Variants in TMEM132D observed in about 807,000 individuals in gnomAD.
The protein encoded by TMEM132D is transmembrane protein 132D, also known as mature OL transmembrane protein.
Under a neutral mutation model 62.3 loss-of-function variants are expected in TMEM132D, and 21 were observed. The ratio of observed to expected loss-of-function variants is 0.34; its 90% CI spans 0.24 to 0.49. The LOEUF is 0.49. Among genes scored for constraint, TMEM132D ranks in the 20% least tolerant of loss-of-function variants. The pLI is 0.99. For missense variants in TMEM132D, 1,346 were observed against 1,402.8 expected, an observed-to-expected ratio of 0.96 and a Z score of 0.65; for synonymous variants, 621 against 575.6, an observed-to-expected ratio of 1.08 and a Z score of -1.13.
intron 5 of TMEM132D, among the ~76,000 whole-genome samples, chr12:129,132,739 C>T (rs150141574): frequency 9.4e-4 from 143 of 152,280 alleles, no homozygotes; most frequent in African/African-American, 3.2e-3. Context: ...CAGCACACCA[C>T]GTTGTACACC....
At chr12:129,608,062 CAAG>C (rs1283683758) in intron 2 of TMEM132D, among the ~76,000 whole-genome samples, 1 of 152,110 alleles carries the variant, frequency 6.6e-6, no homozygotes, top group African/African-American at 2.4e-5. Context: ...TAACACATTG[CAAG>C]AAGAATAGAA....
chr12:129,097,003 T>C (rs1207348494), intron 5 of TMEM132D, among the ~76,000 whole-genome samples: 5 of 152,200 alleles, frequency 3.3e-5, no homozygotes, highest in African/African-American at 1.2e-4. Context: ...TCACAGTCAC[T>C]GATGAGCAGT....
At chr12:129,431,371 C>G (rs1195057846) in intron 3 of TMEM132D, among the ~76,000 whole-genome samples, 1 of 152,204 alleles carries the variant, frequency 6.6e-6, no homozygotes, top group African/African-American at 2.4e-5. Flanking sequence ...CTGTTTATCT[C>G]TCACAGGGGA....
In TMEM132D at chr12:129,388,217, TAACACTAACACGAATCCTAATATA is replaced by T. The variant is rs945782226; in HGVS notation, c.1116-50424_1116-50401del. Among the ~76,000 whole-genome samples the T allele has an allele frequency of 6.8e-5, 8 of 118,028 alleles. 1 individual carries two copies. The highest frequency in any genetic ancestry group is 1.3e-4 in the Non-Finnish European group (7 of 53,414). The allele number at this position is 118,028 out of a possible 152,430, so 77.4% of individuals were successfully genotyped here. On this transcript the variant is annotated intron_variant, in intron 3 of 8. Transcript: ENST00000422113. ...ACCAATTCAGCACTGATAATAATAT[TAACACTAACACGAATCCTAATATA>T]AACACTAACACCGACACCAATACTA...
chr12:129,289,765 T>G (rs1338420208), intron 4 of TMEM132D, among the ~76,000 whole-genome samples: 1 of 152,068 alleles, frequency 6.6e-6, no homozygotes, highest in Non-Finnish European at 1.5e-5. Flanking sequence ...CAGTCCCAGC[T>G]ATTTGGGAGA....
At chr12:129,356,368 G>T (rs1462073193) in intron 3 of TMEM132D, among the ~76,000 whole-genome samples, 1 of 97,730 alleles carries the variant, frequency 1.0e-5, no homozygotes, top group African/African-American at 4.3e-5. Context: ...CGTTTTAGCC[G>T]GGATGGTCTC....
chr12:129,387,033 A>G (rs1871124987), intron 3 of TMEM132D, among the ~76,000 whole-genome samples: 1 of 152,142 alleles, frequency 6.6e-6, no homozygotes, highest in Non-Finnish European at 1.5e-5. Flanking sequence ...TAACACTAAC[A>G]GTAGTACTAT....
At chr12:129,579,995 C>T (rs1228952594) in intron 2 of TMEM132D, among the ~76,000 whole-genome samples, 1 of 152,066 alleles carries the variant, frequency 6.6e-6, no homozygotes, top group Admixed American at 6.5e-5. Context: ...GGAAGAGGGA[C>T]AATAAAGACA....
chr12:129,146,956 A>G (rs1165788141), intron 5 of TMEM132D, among the ~76,000 whole-genome samples: 1 of 152,140 alleles, frequency 6.6e-6, no homozygotes, highest in Non-Finnish European at 1.5e-5. Context: ...ACGCGTGGGC[A>G]TTGCAAAGAT....
At chr12:129,076,090 A>ACTCTCTCT (rs145321381) in intron 8 of TMEM132D, among the ~76,000 whole-genome samples, 29,474 of 151,514 alleles carry the variant, frequency 0.19, 3,700 homozygotes, top group African/African-American at 0.37. Flanking sequence ...AGCCAGCATT[A>ACTCTCTCT]CTCTCTCTCT....
intron 3 of TMEM132D, among the ~76,000 whole-genome samples, chr12:129,459,578 C>T (rs947287852): frequency 6.6e-6 from 1 of 152,084 alleles, no homozygotes; most frequent in South Asian, 2.1e-4. Context: ...AGAGAAGTGG[C>T]CAGGAGCAAG....
intron 3 of TMEM132D, among the ~76,000 whole-genome samples, chr12:129,409,763 T>C (rs1017594007): frequency 4.6e-5 from 7 of 152,240 alleles, no homozygotes; most frequent in Non-Finnish European, 1.5e-5. Context: ...TTTGTATTGT[T>C]ATGTTACCGA....
At chr12:129,504,222 C>A (rs1200627633) in intron 3 of TMEM132D, among the ~76,000 whole-genome samples, 1 of 152,136 alleles carries the variant, frequency 6.6e-6, no homozygotes, top group Non-Finnish European at 1.5e-5. Context: ...TTCGAGAATT[C>A]CAAAGTTTCC....
intron 4 of TMEM132D, among the ~76,000 whole-genome samples, chr12:129,227,640 G>A (rs1345115809): frequency 6.6e-6 from 1 of 151,458 alleles, no homozygotes; most frequent in Non-Finnish European, 1.5e-5. Context: ...GGGGACATGT[G>A]CACAATGTGC....
intron 3 of TMEM132D, among the ~76,000 whole-genome samples, chr12:129,483,589 C>G (rs1874491022): frequency 2.6e-5 from 4 of 152,180 alleles, no homozygotes; most frequent in Admixed American, 2.6e-4. Context: ...AAGAAAAAGC[C>G]AGTTAATCTG....
At chr12:129,271,879 A>G (rs1880861787) in intron 4 of TMEM132D, among the ~76,000 whole-genome samples, 2 of 151,896 alleles carry the variant, frequency 1.3e-5, no homozygotes, top group Admixed American at 6.6e-5. Flanking sequence ...ATACATGTGC[A>G]TGTGTCTTTC....
At chr12:129,336,289 T>A (rs1869268936) in intron 4 of TMEM132D, among the ~76,000 whole-genome samples, 1 of 152,066 alleles carries the variant, frequency 6.6e-6, no homozygotes, top group Admixed American at 6.5e-5. Flanking sequence ...CTTAGAACAT[T>A]ACATAGGGCT....
chr12:129,321,886 C>T (rs555776327), intron 4 of TMEM132D, among the ~76,000 whole-genome samples: 3 of 152,184 alleles, frequency 2.0e-5, no homozygotes, highest in Non-Finnish European at 2.9e-5. Context: ...TCCATCCATG[C>T]GTGGGACGAA....
At chr12:129,513,681 T>A (rs1051479054) in intron 3 of TMEM132D, among the ~76,000 whole-genome samples, 1 of 150,768 alleles carries the variant, frequency 6.6e-6, no homozygotes, top group Non-Finnish European at 1.5e-5. Flanking sequence ...GAGACGGGGT[T>A]TCACCGTGTC....
Sources: allele counts gnomAD v4.1 joint callset (sites outside exome capture counted in the v4.1 genomes callset), GRCh38; gene constraint gnomAD v4.1.1; transcripts MANE v1.5; gene names NCBI Gene and HGNC (gene_info 2026-07-23, HGNC 2026-07-21).